The following PTPRJ variants were observed in gnomAD, a reference collection of about 807,000 sequenced individuals.
PTPRJ encodes the protein protein tyrosine phosphatase receptor type J.
Under a neutral mutation model 141.3 loss-of-function variants are expected in PTPRJ, and 129 were observed. That is an observed-to-expected ratio of 0.91 (90% CI 0.79 to 1.06). PTPRJ has a LOEUF of 1.06. PTPRJ is among the 50% of genes least tolerant of loss of function. PTPRJ has a pLI of 0.00. For synonymous variants in PTPRJ, 610 were observed against 640.5 expected (o/e 0.95, Z 0.72); for missense variants, 1,601 against 1,679.7 (o/e 0.95, Z 0.82).
At chr11:48,090,711 C>G (rs1855847749) in intron 1 of PTPRJ, among the ~76,000 whole-genome samples, 3 of 152,170 alleles carry the variant, frequency 2.0e-5, no homozygotes, top group South Asian at 4.1e-4. Flanking sequence ...CGCTTAAATT[C>G]GAGAGGCCAG....
intron 1 of PTPRJ, among the ~76,000 whole-genome samples, chr11:48,098,729 C>T (rs1856079771): frequency 4.7e-5 from 1 of 21,264 alleles, no homozygotes. Flanking sequence ...CCGTGTTAGC[C>T]AGGATGGTCC....
At chr11:48,022,218 A>C (rs898032017) in intron 1 of PTPRJ, among the ~76,000 whole-genome samples, 6 of 152,026 alleles carry the variant, frequency 3.9e-5, no homozygotes, top group Non-Finnish European at 7.4e-5. Context: ...AAATCCTAGC[A>C]CTTTGGGAGG....
At chr11:48,067,424 A>C (rs1333959606) in intron 1 of PTPRJ, among the ~76,000 whole-genome samples, 1 of 152,190 alleles carries the variant, frequency 6.6e-6, no homozygotes, top group African/African-American at 2.4e-5. Context: ...TGGAGATAGG[A>C]TGTGCTTTCA....
chr11:48,049,571 G>A (rs1047078297), intron 1 of PTPRJ, among the ~76,000 whole-genome samples: 6 of 135,288 alleles, frequency 4.4e-5, no homozygotes, highest in African/African-American at 1.9e-4. Flanking sequence ...AAAACAAGTC[G>A]GGTGTGGTGG....
chr11:48,126,185 G>T (rs1565315854), intron 6 of PTPRJ, among the ~76,000 whole-genome samples: 2 of 152,162 alleles, frequency 1.3e-5, no homozygotes, highest in East Asian at 1.9e-4. Context: ...CCAGGGGAAG[G>T]TCCCTTTGAC....
intron 1 of PTPRJ, among the ~76,000 whole-genome samples, chr11:48,052,912 G>T (rs1049896734): frequency 6.6e-6 from 1 of 151,378 alleles, no homozygotes; most frequent in East Asian, 1.9e-4. Context: ...GCCGCTAGGG[G>T]CCTGGCAGCC....
intron 24 of PTPRJ, among the ~76,000 whole-genome samples, chr11:48,166,999 A>G (rs951870819): frequency 6.6e-6 from 1 of 152,084 alleles, no homozygotes; most frequent in African/African-American, 2.4e-5. Context: ...GTTGAGAATC[A>G]TTGAGGAAGG....
At position 48,027,308 on chromosome 11, in the gene PTPRJ, G is replaced by A. The variant is rs542561853; in HGVS notation, c.96+46300G>A. Among the ~76,000 whole-genome samples, 365 of 150,366 alleles carry A rather than the reference G, an allele frequency of 2.4e-3. 2 individuals carry two copies. Among genetic ancestry groups the A allele is most frequent in the South Asian group, 0.017 (74 of 4,464 alleles). The stretch of plus-strand genomic sequence containing the variant: ...AGGCATGAGCCACCGCGCCCGGCCC[G>A]GAATACCCTTAAAATATAGCCAGAA... On this transcript the variant is annotated intron_variant, in intron 1 of 24. Coordinates refer to ENST00000418331, the MANE Select transcript of PTPRJ (RefSeq NM_002843.4).
At chr11:48,099,093 A>G (rs925469649) in intron 1 of PTPRJ, among the ~76,000 whole-genome samples, 2 of 152,198 alleles carry the variant, frequency 1.3e-5, no homozygotes, top group Non-Finnish European at 2.9e-5. Context: ...TCAGATCTCA[A>G]GCTAGTAATC....
intron 8 of PTPRJ, among the ~76,000 whole-genome samples, chr11:48,133,055 T>C (rs1223191619): frequency 1.3e-5 from 2 of 152,204 alleles, no homozygotes; most frequent in Admixed American, 6.5e-5. Flanking sequence ...AATAATATAA[T>C]ATGCTGGGGG....
At chr11:47,985,704 A>G (rs1590381718) in intron 1 of PTPRJ, among the ~76,000 whole-genome samples, 1 of 150,816 alleles carries the variant, frequency 6.6e-6, no homozygotes, top group African/African-American at 2.4e-5. Flanking sequence ...TTATTTATTT[A>G]TTTATTTATT....
At chr11:48,083,461 T>G (rs1855620327) in intron 1 of PTPRJ, among the ~76,000 whole-genome samples, 1 of 152,230 alleles carries the variant, frequency 6.6e-6, no homozygotes, top group Non-Finnish European at 1.5e-5. Context: ...TAAAAAGCTC[T>G]TATTTTATTG....
intron 1 of PTPRJ, among the ~76,000 whole-genome samples, chr11:48,012,381 A>G (rs561536722): frequency 2.3e-4 from 35 of 152,228 alleles, no homozygotes; most frequent in African/African-American, 7.5e-4. Context: ...GCTGCCCGCC[A>G]TGCCTGTTCG....
At chr11:48,034,010 A>G (rs1430098659) in intron 1 of PTPRJ, among the ~76,000 whole-genome samples, 2 of 152,224 alleles carry the variant, frequency 1.3e-5, no homozygotes, top group Admixed American at 6.5e-5. Context: ...AAGAGCTTCT[A>G]GTCTGAACTC....
At chr11:48,021,331 G>A (rs921661605) in intron 1 of PTPRJ, among the ~76,000 whole-genome samples, 1 of 151,262 alleles carries the variant, frequency 6.6e-6, no homozygotes, top group Non-Finnish European at 1.5e-5. Context: ...CCAAGATCAC[G>A]CCATTGCACT....
intron 10 of PTPRJ, among the ~76,000 whole-genome samples, chr11:48,138,498 A>G (rs1380869257): frequency 6.6e-6 from 1 of 152,148 alleles, no homozygotes; most frequent in African/African-American, 2.4e-5. Context: ...CTGCTCTAAA[A>G]TTCTGTGACA....
intron 1 of PTPRJ, among the ~76,000 whole-genome samples, chr11:48,047,010 G>A (rs2134242468): frequency 6.8e-6 from 1 of 147,998 alleles, no homozygotes; most frequent in East Asian, 2.0e-4. Context: ...CTGCCTCCTG[G>A]GTTTAAGTGA....
intron 1 of PTPRJ, among the ~76,000 whole-genome samples, chr11:48,092,473 A>G (rs1855897338): frequency 6.6e-6 from 1 of 150,744 alleles, no homozygotes; most frequent in Non-Finnish European, 1.5e-5. Flanking sequence ...TCTGTTGCCC[A>G]GGCTGGAGTG....
Position 48,125,085 on chromosome 11 carries a change from T to C in PTPRJ, c.992T>C (p.Leu331Pro). The C allele has an allele frequency of 6.2e-7, 1 of 1,614,096 alleles. No homozygotes were observed. The highest frequency in any genetic ancestry group is 8.5e-7 in the Non-Finnish European group (1 of 1,180,020). The change falls in exon 6 of 25, where the codon CTG becomes CCG. Residue 331 changes from leucine (L) to proline (P), a missense_variant. Leu to Pro is a moderately conservative substitution (Grantham distance 98). Coordinates refer to ENST00000418331, the MANE Select transcript of PTPRJ (RefSeq NM_002843.4). ...SGQQSRDTEV[L>P]LVGLEPGTRY... is the part of the protein sequence containing the mutation. ...CAGCAGTCCCGAGACACGGAAGTCC[T>C]GCTTGTCGGGTTAGAGCCTGGCACC...
Sources: gnomAD v4.1 joint callset for allele counts (sites outside exome capture counted in the v4.1 genomes callset) on GRCh38, gnomAD v4.1.1 for gene constraint, MANE v1.5 for transcripts, NCBI Gene and HGNC (gene_info 2026-07-23, HGNC 2026-07-21) for gene names.